The following RBM38 variants were observed in gnomAD, a reference collection of about 807,000 sequenced individuals.
The protein encoded by RBM38 is RNA binding motif protein 38, also known as RNA-binding protein 38.
In RBM38, 11 loss-of-function variants were observed where a neutral mutation model predicts 23.5. The observed-to-expected ratio is 0.47, with a 90% CI of 0.29 to 0.77. The LOEUF (loss-of-function observed/expected upper bound fraction) is 0.77. Ranked by LOEUF, RBM38 falls within the 30% of genes least tolerant of loss-of-function variation. RBM38 has a pLI of 0.08. For missense variants in RBM38, 330 were observed against 351.9 expected, an observed-to-expected ratio of 0.94 and a Z score of 0.50; for synonymous variants, 165 against 166.1, an observed-to-expected ratio of 0.99 and a Z score of 0.05.
rs534109457 is a variant in RBM38, at chr20:57,397,705, T to C, written c.416+4372T>C. Among the ~76,000 whole-genome samples, 4 of 152,298 alleles carry C rather than the reference T, an allele frequency of 2.6e-5. No homozygotes were observed. The South Asian group carries it at 8.3e-4, about 32-fold the overall frequency. Reference sequence around the variant, plus strand: ...CATGGGATGCACAAGCTGGGGAGAATGTCGACAGCTACTCCCAGCATCATT... The same window carrying C: ...CATGGGATGCACAAGCTGGGGAGAACGTCGACAGCTACTCCCAGCATCATT... On this transcript the variant is annotated intron_variant, in intron 3 of 3. Coordinates refer to ENST00000356208, the MANE Select transcript of RBM38 (RefSeq NM_017495.6).
chr20:57,399,334 G>A (rs1345972124), intron 3 of RBM38, among the ~76,000 whole-genome samples: 2 of 152,200 alleles, frequency 1.3e-5, no homozygotes, highest in Non-Finnish European at 1.5e-5. Flanking sequence ...GTTGAGCCTG[G>A]ACTGCCGAGG....
In RBM38 at chr20:57,400,438, C is replaced by T. The variant is rs537581349; in HGVS notation, c.416+7105C>T. Among the ~76,000 whole-genome samples, 173 of 152,290 alleles carry T rather than the reference C, an allele frequency of 1.1e-3. 1 individual carries two copies. The highest frequency in any genetic ancestry group is 2.0e-3 in the Non-Finnish European group (138 of 68,014). On this transcript the variant is annotated intron_variant, in intron 3 of 3. Coordinates refer to ENST00000356208, the MANE Select transcript of RBM38 (RefSeq NM_017495.6). ...CAGCTCCTCCTGCATGCCCAACCCTCCCGGCATGGCCTGGCCTTTCCAGCC... is the reference window on the plus strand; with the variant it reads ...CAGCTCCTCCTGCATGCCCAACCCTTCCGGCATGGCCTGGCCTTTCCAGCC...
In RBM38 at chr20:57,391,547, C is replaced by G; in HGVS notation, c.-35C>G. ...GCCGCCCCCCATGAGCGCAGCCCCG[C>G]GCGGCCCGGGTCCGTAGGCGGCGGG... On this transcript the variant is annotated 5_prime_UTR_variant, in exon 1 of 4. Coordinates refer to ENST00000356208, the MANE Select transcript of RBM38 (RefSeq NM_017495.6). The G allele has an allele frequency of 1.0e-5, 9 of 867,884 alleles. No homozygotes were observed. The highest frequency in any genetic ancestry group is 1.3e-5 in the Non-Finnish European group (9 of 706,200). The allele number at this position is 867,884 out of a possible 1,614,324, so 53.8% of individuals were successfully genotyped here.
chr20:57,406,512 C>T (rs985174065), intron 3 of RBM38, among the ~76,000 whole-genome samples: 1 of 152,148 alleles, frequency 6.6e-6, no homozygotes, highest in Non-Finnish European at 1.5e-5. Context: ...ACCAAGCCGA[C>T]GGGGTGACGC....
At chr20:57,398,161 T>C (rs1402545967) in intron 3 of RBM38, among the ~76,000 whole-genome samples, 2 of 152,220 alleles carry the variant, frequency 1.3e-5, no homozygotes, top group Non-Finnish European at 2.9e-5. Context: ...AGGATCTCTC[T>C]GTACTGTTTT....
Position 57,408,241 on chromosome 20 carries a change from T to C in RBM38, c.*395T>C. The C allele has an allele frequency of 3.6e-6, 1 of 278,140 alleles. No homozygotes were observed. Among genetic ancestry groups the C allele is most frequent in the Non-Finnish European group, 7.0e-6 (1 of 143,480 alleles). The allele number at this position is 278,140 out of a possible 1,614,324, so 17.2% of individuals were successfully genotyped here. ...TGCAGCCCCTGGCTGCCCTGGACTG[T>C]GCAGAGATGCCTGACTCCAGGGAAA... is the stretch of plus-strand genomic sequence containing the variant. On this transcript the variant is annotated 3_prime_UTR_variant, in exon 4 of 4. Transcript: ENST00000356208.
rs1461044843 is a variant in RBM38 at position 57,408,630 on chromosome 20, AGAC to A, written c.*790_*792del. ...TTGCTTTTGTTGGTTCCGCCCGTGG[AGAC>A]GACGATAGTGTTTCTGTATAATAAA... is the stretch of plus-strand genomic sequence containing the variant. On this transcript the variant is annotated 3_prime_UTR_variant, in exon 4 of 4. Coordinates refer to ENST00000356208, the MANE Select transcript of RBM38 (RefSeq NM_017495.6). 2 of 151,790 alleles carry A rather than the reference AGAC, an allele frequency of 1.3e-5. No individual in the cohort carries two copies. Among genetic ancestry groups the A allele is most frequent in the African/African-American group, 4.8e-5 (2 of 41,282 alleles). The allele number at this position is 151,790 out of a possible 1,614,324, so 9.4% of individuals were successfully genotyped here. A position where few individuals can be genotyped will look rare whatever the true frequency, so the allele number is the denominator to read the frequency against.
chr20:57,394,779 C>G (rs537254868), intron 3 of RBM38, among the ~76,000 whole-genome samples: 49 of 152,158 alleles, frequency 3.2e-4, no homozygotes, highest in Non-Finnish European at 5.3e-4. Flanking sequence ...TGGCTCCATT[C>G]CCCAGGCCCA....
intron 1 of RBM38, 91 bp downstream of exon 1, chr20:57,391,909 G>A: frequency 7.8e-6 from 7 of 894,098 alleles, no homozygotes; most frequent in Non-Finnish European, 1.0e-5. Context: ...CGCCCAGACG[G>A]CCCGCTGCCG....
chr20:57,395,702 G>A (rs1389005727), intron 3 of RBM38, among the ~76,000 whole-genome samples: 3 of 152,192 alleles, frequency 2.0e-5, no homozygotes, highest in Non-Finnish European at 4.4e-5. Context: ...CTCCAGGGAG[G>A]CAGCGGGGCA....
intron 3 of RBM38, among the ~76,000 whole-genome samples, chr20:57,396,641 T>C (rs538421336): frequency 6.6e-6 from 1 of 152,268 alleles, no homozygotes; most frequent in South Asian, 2.1e-4. Flanking sequence ...ATATGTACAT[T>C]ATAGAACGTT....
chr20:57,406,390 T>A (rs1037920612), intron 3 of RBM38, among the ~76,000 whole-genome samples: 1 of 152,044 alleles, frequency 6.6e-6, no homozygotes, highest in African/African-American at 2.4e-5. Flanking sequence ...CCAGGTAGGG[T>A]TAAGAGCACA....
At chr20:57,396,544 A>G (rs570473160) in intron 3 of RBM38, among the ~76,000 whole-genome samples, 1 of 152,238 alleles carries the variant, frequency 6.6e-6, no homozygotes, top group East Asian at 1.9e-4. Context: ...GTTATTTTTG[A>G]AGGGCCAGCT....
rs1282918120 is a variant in RBM38 at position 57,407,830 on chromosome 20, C to G, written c.704C>G (p.Pro235Arg). The change falls in exon 4 of 4, where the codon CCT becomes CGT. Residue 235 changes from proline (P) to arginine (R), a missense_variant. Physicochemically the swap from Pro to Arg is moderately radical, Grantham distance 103. Around this residue, in one of 3 missense-constraint regions of RBM38, gnomAD observed 227 missense variants for 216.4 expected, o/e 1.05. Coordinates refer to ENST00000356208, the MANE Select transcript of RBM38 (RefSeq NM_017495.6). The surrounding 1 kb of genome is among the most constrained non-coding windows in gnomAD (Gnocchi z 4.0). The stretch of plus-strand genomic sequence containing the variant: ...CAGTACCAGGCGCCGCAGCTGCAGC[C>G]TGACAGGATGCAGTGAGGGGCGTTC... ...FVQYQAPQLQ[P>R]DRMQ is the part of the protein sequence containing the mutation. 6.4e-7 allele frequency: 1 copy of G among 1,572,764 alleles called. No homozygotes were observed. Among genetic ancestry groups the G allele is most frequent in the Non-Finnish European group, 8.6e-7 (1 of 1,162,892 alleles).
At chr20:57,406,034 A>C (rs1378409574) in intron 3 of RBM38, among the ~76,000 whole-genome samples, 2 of 152,198 alleles carry the variant, frequency 1.3e-5, no homozygotes, top group Non-Finnish European at 1.5e-5. Flanking sequence ...TGAGGTTCCA[A>C]GTCACCCCCC....
At chr20:57,399,747 G>A (rs929984765) in intron 3 of RBM38, among the ~76,000 whole-genome samples, 1 of 152,134 alleles carries the variant, frequency 6.6e-6, no homozygotes, top group African/African-American at 2.4e-5. Context: ...GGGGATTCCC[G>A]GGAGGCAGGG....
Position 57,391,763 on chromosome 20 carries a change from A to G in RBM38, c.182A>G (p.Glu61Gly). Residue 61 changes from glutamate (E) to glycine (G), a missense_variant, in exon 1 of 4, where the codon GAG becomes GGG. By Grantham distance (98) the Glu-to-Gly change is moderately conservative (BLOSUM62 -2). This residue lies in a region of RBM38 where 95 missense variants were observed against 111.9 expected (regional missense o/e 0.85). Transcript: ENST00000356208. ...RKYFEGFGDIEEAVVITDRQT... is the reference protein window; with the variant it reads ...RKYFEGFGDIGEAVVITDRQT... ...TACTTCGAGGGCTTCGGCGACATCG[A>G]GGAGGCCGTGGTCATCACCGACCGC... The G allele has an allele frequency of 6.4e-7, 1 of 1,572,446 alleles. No individual in the cohort carries two copies. The highest frequency in any genetic ancestry group is 8.6e-7 in the Non-Finnish European group (1 of 1,158,858).
intron 3 of RBM38, among the ~76,000 whole-genome samples, chr20:57,401,928 A>G (rs1030690538): frequency 5.9e-5 from 9 of 151,938 alleles, no homozygotes; most frequent in Non-Finnish European, 1.0e-4. Context: ...CTGCTTCTGG[A>G]GGTGATGGGG....
At chr20:57,396,860 C>T (rs1464934116) in intron 3 of RBM38, among the ~76,000 whole-genome samples, 2 of 152,158 alleles carry the variant, frequency 1.3e-5, no homozygotes, top group Non-Finnish European at 2.9e-5. Flanking sequence ...ACGTTCAGGG[C>T]AGAAAGGACA....
Sources: allele counts gnomAD v4.1 joint callset (sites outside exome capture counted in the v4.1 genomes callset), GRCh38; gene constraint gnomAD v4.1.1; regional missense constraint gnomAD v4.1.1; non-coding constraint Gnocchi (gnomAD v3.1); transcripts MANE v1.5; gene names NCBI Gene and HGNC (gene_info 2026-07-23, HGNC 2026-07-21).